The following TANC2 variants were observed in gnomAD, a reference collection of about 807,000 sequenced individuals.
TANC2 encodes tetratricopeptide repeat, ankyrin repeat and coiled-coil containing 2, also known as protein TANC2.
TANC2 carries 26 observed loss-of-function variants against 210.5 expected under a neutral mutation model. The ratio of observed to expected loss-of-function variants is 0.12; its 90% CI spans 0.09 to 0.17. The LOEUF (loss-of-function observed/expected upper bound fraction) is 0.17. Ranked by LOEUF, TANC2 falls within the 10% of genes least tolerant of loss-of-function variation. The pLI is 1.00. For synonymous variants in TANC2, 931 were observed against 967.1 expected (o/e 0.96, Z 0.69); for missense variants, 2,129 against 2,608.9 (o/e 0.82, Z 4.01).
intron 8 of TANC2, among the ~76,000 whole-genome samples, chr17:63,244,872 T>G (rs2042874357): frequency 6.6e-6 from 1 of 152,118 alleles, no homozygotes; most frequent in African/African-American, 2.4e-5. Context: ...ATAAATCTCT[T>G]GATTTCTCAT....
chr17:63,139,897 C>G (rs1170593474), intron 4 of TANC2, among the ~76,000 whole-genome samples: 2 of 152,142 alleles, frequency 1.3e-5, no homozygotes, highest in Non-Finnish European at 2.9e-5. Flanking sequence ...GAGCAAGACC[C>G]TATCTCAAGA....
intron 9 of TANC2, among the ~76,000 whole-genome samples, chr17:63,293,509 C>T (rs1032708677): frequency 6.6e-6 from 1 of 152,176 alleles, no homozygotes; most frequent in African/African-American, 2.4e-5. Flanking sequence ...GTTACACTTT[C>T]TTCTGCCAGT....
Position 63,233,372 on chromosome 17 carries a change from T to C in TANC2, c.770-4442T>C, listed in dbSNP as rs542473225. On this transcript the variant is annotated intron_variant, in intron 7 of 27. Coordinates refer to ENST00000689528, the Ensembl canonical transcript of TANC2. Reference sequence around the variant, plus strand: ...TGGGCCCACGAGGGGGATCTCCTGATCTGTGGGTTGCACAGATCCATGGAA... The same window carrying C: ...TGGGCCCACGAGGGGGATCTCCTGACCTGTGGGTTGCACAGATCCATGGAA... Among the ~76,000 whole-genome samples the C allele has an allele frequency of 3.3e-5, 5 of 152,250 alleles. No homozygotes were observed. The East Asian group carries it at 9.7e-4, about 29-fold the overall frequency.
chr17:63,026,613 A>C (rs1410158359), intron 2 of TANC2, among the ~76,000 whole-genome samples: 1 of 152,176 alleles, frequency 6.6e-6, no homozygotes, highest in East Asian at 1.9e-4. Flanking sequence ...ACACTGGTAC[A>C]TTGCATTGTT....
At chr17:63,358,679 A>T (rs1347460386) in intron 14 of TANC2, among the ~76,000 whole-genome samples, 1 of 152,144 alleles carries the variant, frequency 6.6e-6, no homozygotes, top group Non-Finnish European at 1.5e-5. Flanking sequence ...AATAGTAAAG[A>T]GATGGAAAAC....
rs748823330 is a variant in TANC2 at position 63,420,205 on chromosome 17, A to G, written c.4475A>G (p.Gln1492Arg). The G allele has an allele frequency of 1.9e-6, 3 of 1,604,964 alleles. No homozygotes were observed. Among genetic ancestry groups the G allele is most frequent in the Admixed American group, 3.4e-5 (2 of 58,390 alleles). ...CAGCATGAAGACATATACTCTGTAC[A>G]GGATATATTCGAGGAGGAGTACCTG... Residue 1492 changes from glutamine (Q) to arginine (R), a missense_variant, in exon 28 of 28, where the codon CAG (glutamine) becomes CGG (arginine). Gln to Arg is a conservative substitution (Grantham distance 43, BLOSUM62 1). This residue lies in a region of TANC2 where 584 missense variants were observed against 627.3 expected (regional missense o/e 0.93). Transcript: ENST00000689528. This position sits in a 1 kb window ranked among gnomAD's most constrained non-coding sequence, Gnocchi z 4.2.
intron 9 of TANC2, among the ~76,000 whole-genome samples, chr17:63,288,576 A>ATTT (rs548375013): frequency 6.6e-6 from 1 of 151,910 alleles, no homozygotes; most frequent in South Asian, 2.1e-4. Context: ...GTCCTTACTG[A>ATTT]TTTTTCTGCC....
chr17:63,163,848 T>G (rs182133987), intron 5 of TANC2, among the ~76,000 whole-genome samples: 3 of 152,220 alleles, frequency 2.0e-5, no homozygotes, highest in African/African-American at 7.2e-5. Context: ...TCAGTAAATA[T>G]AGTCCAAGAT....
At chr17:63,308,852 A>T (rs922070633) in intron 9 of TANC2, among the ~76,000 whole-genome samples, 5 of 152,240 alleles carry the variant, frequency 3.3e-5, no homozygotes, top group Admixed American at 1.3e-4. Context: ...GCAGCTTTTT[A>T]AAAAATAGCT....
intron 8 of TANC2, among the ~76,000 whole-genome samples, chr17:63,242,481 G>C (rs2042800757): frequency 6.6e-6 from 1 of 151,796 alleles, no homozygotes; most frequent in African/African-American, 2.4e-5. Flanking sequence ...CATATCCATG[G>C]ATATGGATGG....
At chr17:63,137,297 A>G (rs1410187088) in intron 4 of TANC2, among the ~76,000 whole-genome samples, 1 of 152,206 alleles carries the variant, frequency 6.6e-6, no homozygotes, top group Non-Finnish European at 1.5e-5. Context: ...AGGGCCAGGA[A>G]CCAGCTACTT....
intron 11 of TANC2, chr17:63,333,987 T>C (rs1051279697): frequency 6.6e-6 from 1 of 152,252 alleles, no homozygotes; most frequent in Non-Finnish European, 1.5e-5. Flanking sequence ...ACATAACTTT[T>C]ATATGCACAG....
chr17:63,108,879 A>C (rs1195310828), intron 4 of TANC2, among the ~76,000 whole-genome samples: 1 of 151,440 alleles, frequency 6.6e-6, no homozygotes, highest in East Asian at 1.9e-4. Context: ...CCATAAAGAA[A>C]TCTCTGTACA....
chr17:63,186,130 A>G (rs1345322589), intron 5 of TANC2, among the ~76,000 whole-genome samples: 2 of 152,122 alleles, frequency 1.3e-5, no homozygotes, highest in African/African-American at 4.8e-5. Context: ...TATCATATTG[A>G]TCTGTCACCA....
At chr17:63,260,136 G>A (rs1300152679) in intron 8 of TANC2, among the ~76,000 whole-genome samples, 2 of 152,160 alleles carry the variant, frequency 1.3e-5, no homozygotes, top group African/African-American at 2.4e-5. Context: ...CTTTAAAGTG[G>A]GAAGGAAGGA....
At chr17:63,233,390 C>A (rs1039114902) in intron 7 of TANC2, among the ~76,000 whole-genome samples, 3 of 152,152 alleles carry the variant, frequency 2.0e-5, no homozygotes, top group African/African-American at 7.2e-5. Context: ...TTGCACAGAT[C>A]CATGGAAAAA....
chr17:63,220,390 T>A (rs1373468580), intron 7 of TANC2, among the ~76,000 whole-genome samples: 1 of 151,870 alleles, frequency 6.6e-6, no homozygotes, highest in African/African-American at 2.4e-5. Context: ...AAAGGCTATT[T>A]TTTTCAGCAA....
intron 9 of TANC2, among the ~76,000 whole-genome samples, chr17:63,295,070 G>A (rs796510233): frequency 4.6e-5 from 7 of 152,208 alleles, no homozygotes; most frequent in African/African-American, 1.7e-4. Flanking sequence ...GTGCTTTCTT[G>A]TTCATATGTT....
rs370972389 is a variant in TANC2, at chr17:63,237,994, C to T, written c.950C>T (p.Pro317Leu). The change falls in exon 8 of 28, where the codon CCA (proline) becomes CTA (leucine). Residue 317 changes from proline to leucine, a missense_variant. Transcript: ENST00000689528. Reference sequence around the variant, plus strand: ...TCCACCTATAGTCTGAATAAGATCCCAGAGAGAAATTTGGAAACAGTGTTA... The same window carrying T: ...TCCACCTATAGTCTGAATAAGATCCTAGAGAGAAATTTGGAAACAGTGTTA... 11 of 1,576,090 alleles carry T rather than the reference C, an allele frequency of 7.0e-6. No homozygotes were observed. In the African/African-American group the frequency reaches 1.3e-4, roughly 19 times the overall value.
Sources: allele counts gnomAD v4.1 joint callset (sites outside exome capture counted in the v4.1 genomes callset), GRCh38; gene constraint gnomAD v4.1.1; regional missense constraint gnomAD v4.1.1; non-coding constraint Gnocchi (gnomAD v3.1); transcripts MANE v1.5; gene names NCBI Gene and HGNC (gene_info 2026-07-23, HGNC 2026-07-21).